LMNTD1: variants seen among roughly 807,000 people sequenced by gnomAD.
The protein encoded by LMNTD1 is lamin tail domain containing 1.
Under a neutral mutation model 50.9 loss-of-function variants are expected in LMNTD1, and 35 were observed. That is an observed-to-expected ratio of 0.69 (90% CI 0.53 to 0.91). LMNTD1 has a LOEUF of 0.91. LMNTD1 is among the 40% of genes least tolerant of loss of function. LMNTD1 has a pLI of 0.00. For missense variants in LMNTD1, 470 were observed against 475.5 expected (o/e 0.99, Z 0.11); for synonymous variants, 153 against 161.9 (o/e 0.94, Z 0.42).
intron 1 of LMNTD1, among the ~76,000 whole-genome samples, chr12:25,643,585 T>A (rs1270571893): frequency 6.6e-6 from 1 of 152,236 alleles, no homozygotes; most frequent in African/African-American, 2.4e-5. Context: ...GTGCCACATG[T>A]GCATTCCAAT....
intron 4 of LMNTD1, among the ~76,000 whole-genome samples, chr12:25,532,899 G>C (rs754628891): frequency 3.9e-5 from 6 of 151,952 alleles, no homozygotes; most frequent in Non-Finnish European, 8.8e-5. Flanking sequence ...TTTCAGACTT[G>C]CTTTTTCTGC....
intron 4 of LMNTD1, among the ~76,000 whole-genome samples, chr12:25,536,388 T>A (rs1380114934): frequency 6.6e-6 from 1 of 152,096 alleles, no homozygotes; most frequent in African/African-American, 2.4e-5. Context: ...TTGACCACAA[T>A]GGAATTTAAT....
At position 25,503,819 on chromosome 12, in the gene LMNTD1, A is replaced by T. The variant is rs1036152566; in HGVS notation, c.1190-19T>A. On this transcript the variant is annotated intron_variant, in intron 8 of 9. Transcript: ENST00000458174. ...TTAGACCCTGAAAATTAAAAAAAATAATTAAAAAAAGGAGAGAGGCTAGGT... is the reference window on the plus strand; with the variant it reads ...TTAGACCCTGAAAATTAAAAAAAATTATTAAAAAAAGGAGAGAGGCTAGGT... 4.0e-6 allele frequency: 6 copies of T among 1,482,146 alleles called. No individual in the cohort carries two copies. The highest frequency in any genetic ancestry group is 4.6e-6 in the Non-Finnish European group (5 of 1,078,974). The allele number at this position is 1,482,146 out of a possible 1,614,324, so 91.8% of individuals were successfully genotyped here. A position where few individuals can be genotyped will look rare whatever the true frequency, so the allele number is the denominator to read the frequency against.
At chr12:25,588,994 G>A (rs1009774322) in intron 1 of LMNTD1, among the ~76,000 whole-genome samples, 1 of 152,128 alleles carries the variant, frequency 6.6e-6, no homozygotes, top group African/African-American at 2.4e-5. Context: ...TTAAGTCTTA[G>A]TAAGGGTATA....
chr12:25,600,214 A>G (rs1238314355), intron 1 of LMNTD1, among the ~76,000 whole-genome samples: 1 of 152,084 alleles, frequency 6.6e-6, no homozygotes, highest in African/African-American at 2.4e-5. Context: ...AGTCTCTTCA[A>G]TAAATTGTGC....
At chr12:25,605,391 G>T (rs908907850) in intron 1 of LMNTD1, among the ~76,000 whole-genome samples, 27 of 152,046 alleles carry the variant, frequency 1.8e-4, no homozygotes, top group African/African-American at 6.5e-4. Flanking sequence ...CATTGCTTTC[G>T]GTGTTTTAAA....
intron 5 of LMNTD1, 55 bp from the exon 6 acceptor site, chr12:25,526,273 A>G (rs1047736851): frequency 5.1e-6 from 8 of 1,556,458 alleles, no homozygotes; most frequent in Middle Eastern, 1.7e-4. Context: ...AATTTTGTAA[A>G]TGTCATAGGG....
intron 8 of LMNTD1, among the ~76,000 whole-genome samples, chr12:25,516,886 A>T (rs1010702888): frequency 2.6e-5 from 4 of 151,734 alleles, no homozygotes; most frequent in African/African-American, 9.7e-5. Flanking sequence ...TGCCATCAAA[A>T]AGTGGGCGAA....
At chr12:25,612,532 G>C (rs1946271221) in intron 1 of LMNTD1, among the ~76,000 whole-genome samples, 2 of 152,058 alleles carry the variant, frequency 1.3e-5, no homozygotes, top group Non-Finnish European at 2.9e-5. Context: ...GAGTCACTCA[G>C]GTAATGTAAA....
At chr12:25,526,366 C>A in intron 5 of LMNTD1, 148 bp from the exon 6 acceptor site, 2 of 700,250 alleles carry the variant, frequency 2.9e-6, no homozygotes, top group Non-Finnish European at 4.3e-6. Flanking sequence ...TATGCAACAC[C>A]AAACAGCTAC....
Position 25,479,217 on chromosome 12 carries a change from A to G in LMNTD1, c.*23-2757T>C, listed in dbSNP as rs114150087. Among the ~76,000 whole-genome samples, 1,473 of 152,224 alleles carry G rather than the reference A, an allele frequency of 9.7e-3. 25 individuals carry two copies. The highest frequency in any genetic ancestry group is 0.033 in the African/African-American group (1,379 of 41,526). Reference sequence around the variant, plus strand: ...GTTTAATGGAATCGCTGTTGTGTCTACTGGTGGAAGCATTCCTCCTTCTGG... The same window carrying G: ...GTTTAATGGAATCGCTGTTGTGTCTGCTGGTGGAAGCATTCCTCCTTCTGG... On this transcript the variant is annotated intron_variant, in intron 9 of 9. Coordinates refer to ENST00000458174, the MANE Select transcript of LMNTD1 (RefSeq NM_001145728.2).
chr12:25,552,347 G>A (rs916306790), intron 2 of LMNTD1, among the ~76,000 whole-genome samples: 2 of 151,830 alleles, frequency 1.3e-5, no homozygotes, highest in East Asian at 1.9e-4. Flanking sequence ...GGCCAGGCGC[G>A]GTGGCTCACG....
intron 1 of LMNTD1, among the ~76,000 whole-genome samples, chr12:25,568,917 G>A (rs915516633): frequency 3.3e-5 from 5 of 152,214 alleles, no homozygotes; most frequent in Admixed American, 6.5e-5. Context: ...CTGCCACATG[G>A]GAGGAGCTTC....
chr12:25,502,588 C>A (rs10505967), intron 9 of LMNTD1, among the ~76,000 whole-genome samples: 2 of 152,080 alleles, frequency 1.3e-5, no homozygotes, highest in African/African-American at 4.8e-5. Context: ...TGGTAAATAA[C>A]CTCTTCAGAC....
chr12:25,622,607 CATTAT>C (rs1471114825), intron 1 of LMNTD1, among the ~76,000 whole-genome samples: 1 of 152,128 alleles, frequency 6.6e-6, no homozygotes, highest in African/African-American at 2.4e-5. Flanking sequence ...CCTCATTCAT[CATTAT>C]ATTATTTGTA....
intron 9 of LMNTD1, among the ~76,000 whole-genome samples, chr12:25,488,235 C>A (rs1220275444): frequency 8.3e-5 from 11 of 132,046 alleles, no homozygotes; most frequent in African/African-American, 2.7e-4. Flanking sequence ...TGTTTTCCAC[C>A]TTGGTTCCAT....
chr12:25,566,877 T>C (rs1470526927), intron 1 of LMNTD1, among the ~76,000 whole-genome samples: 2 of 152,188 alleles, frequency 1.3e-5, no homozygotes, highest in African/African-American at 4.8e-5. Flanking sequence ...TTAATTATTC[T>C]CTTGACAATT....
At chr12:25,579,980 T>G (rs1194106358) in intron 1 of LMNTD1, among the ~76,000 whole-genome samples, 1 of 152,090 alleles carries the variant, frequency 6.6e-6, no homozygotes, top group Non-Finnish European at 1.5e-5. Context: ...AAGTAAAAAC[T>G]TATTAGATTT....
In LMNTD1 at chr12:25,518,676, TC is replaced by T. The variant is rs537745949; in HGVS notation, c.1189+118del. The T allele has an allele frequency of 2.7e-3, 2,375 of 863,966 alleles. 5 individuals are homozygous for T. The highest frequency in any genetic ancestry group is 4.5e-3 in the South Asian group (255 of 56,988). 53.5% of individuals were successfully genotyped at this position (863,966 alleles called of 1,614,324 possible). A position where few individuals can be genotyped will look rare whatever the true frequency, so the allele number is the denominator to read the frequency against. On this transcript the variant is annotated intron_variant, in intron 8 of 9. Transcript: ENST00000458174. ...AATACTTCCTTTAAGAGCCATCTAT[TC>T]TTGAGAATATGAATCATCTTTAACA...
Sources: allele counts gnomAD v4.1 joint callset (sites outside exome capture counted in the v4.1 genomes callset), GRCh38; gene constraint gnomAD v4.1.1; transcripts MANE v1.5; gene names NCBI Gene and HGNC (gene_info 2026-07-23, HGNC 2026-07-21).